Variants in DIP2C observed in about 807,000 individuals in gnomAD.
The protein encoded by DIP2C is disco-interacting protein 2 homolog C.
Under a neutral mutation model 192.4 loss-of-function variants are expected in DIP2C, and 33 were observed. The ratio of observed to expected loss-of-function variants is 0.17; its 90% CI spans 0.13 to 0.23. DIP2C has a LOEUF of 0.23. Among genes scored for constraint, DIP2C ranks in the 10% least tolerant of loss-of-function variants. The pLI, the probability that DIP2C is intolerant of heterozygous loss-of-function variation, is 1.00. For missense variants in DIP2C, 1,537 were observed against 2,110.1 expected (o/e 0.73, Z 5.32); for synonymous variants, 979 against 864.1 (o/e 1.13, Z -2.33).
chr10:396,459 A>G (rs547678301), intron 10 of DIP2C, among the ~76,000 whole-genome samples: 1 of 152,338 alleles, frequency 6.6e-6, no homozygotes, highest in African/African-American at 2.4e-5. Flanking sequence ...GAAGAAAAGA[A>G]TAATTGTTAC....
intron 1 of DIP2C, among the ~76,000 whole-genome samples, chr10:619,541 G>GCCCGCCCGCCCGCCCACCCTCCCA: frequency 2.8e-4 from 19 of 67,896 alleles, no homozygotes; most frequent in African/African-American, 5.5e-4. Flanking sequence ...CCGCCCGCCC[G>GCCCGCCCGCCCGCCCACCCTCCCA]CCCTCCCACC....
At chr10:673,083 C>T (rs931502764) in intron 1 of DIP2C, among the ~76,000 whole-genome samples, 1 of 152,158 alleles carries the variant, frequency 6.6e-6, no homozygotes, top group Non-Finnish European at 1.5e-5. Flanking sequence ...TTTCCCCGGC[C>T]TTGCTGCTCA....
intron 2 of DIP2C, among the ~76,000 whole-genome samples, chr10:476,779 C>T (rs887993703): frequency 6.6e-6 from 1 of 152,166 alleles, no homozygotes; most frequent in African/African-American, 2.4e-5. Flanking sequence ...CAGGAAGAAG[C>T]ATTTTTGGAA....
At chr10:314,453 G>A (rs763444425) in intron 31 of DIP2C, among the ~76,000 whole-genome samples, 2 of 152,106 alleles carry the variant, frequency 1.3e-5, no homozygotes, top group Non-Finnish European at 2.9e-5. Context: ...TCTCGTCACC[G>A]CTAACTCATC....
At chr10:610,099 A>G (rs748473933) in intron 1 of DIP2C, among the ~76,000 whole-genome samples, 1 of 152,220 alleles carries the variant, frequency 6.6e-6, no homozygotes, top group Non-Finnish European at 1.5e-5. Context: ...CAGGGGATGA[A>G]GGGAATGTGG....
chr10:297,117 C>T (rs985179752), intron 32 of DIP2C, among the ~76,000 whole-genome samples: 9 of 151,812 alleles, frequency 5.9e-5, no homozygotes, highest in Admixed American at 2.6e-4. Flanking sequence ...TCACTTGAAC[C>T]GGGGAGGCAG....
intron 1 of DIP2C, among the ~76,000 whole-genome samples, chr10:509,660 G>A (rs953186597): frequency 6.6e-6 from 1 of 152,240 alleles, no homozygotes; most frequent in Non-Finnish European, 1.5e-5. Flanking sequence ...CCAGACGAGA[G>A]AGAGGCATCT....
chr10:555,190 ATT>A (rs34311943), intron 1 of DIP2C, among the ~76,000 whole-genome samples: 3 of 125,214 alleles, frequency 2.4e-5, no homozygotes, highest in East Asian at 2.2e-4. Flanking sequence ...CTTCAGTATT[ATT>A]TTTTTTTTTT....
chr10:568,493 C>T (rs187243699), intron 1 of DIP2C, among the ~76,000 whole-genome samples: 5 of 152,156 alleles, frequency 3.3e-5, no homozygotes, highest in South Asian at 2.1e-4. Context: ...TGAGGCCGGG[C>T]GCGGTGGCTC....
chr10:319,537 C>G (rs764704637), intron 31 of DIP2C, among the ~76,000 whole-genome samples: 12 of 152,154 alleles, frequency 7.9e-5, no homozygotes, highest in Non-Finnish European at 1.3e-4. Flanking sequence ...ATCTCTAAAT[C>G]TAATGCAACA....
At chr10:593,642 T>C (rs57677108) in intron 1 of DIP2C, among the ~76,000 whole-genome samples, 6 of 152,184 alleles carry the variant, frequency 3.9e-5, no homozygotes, top group African/African-American at 1.4e-4. Flanking sequence ...ATATCCTAGC[T>C]GTGCCTGGGA....
chr10:557,220 C>T (rs867007700), intron 1 of DIP2C, among the ~76,000 whole-genome samples: 5 of 152,210 alleles, frequency 3.3e-5, no homozygotes, highest in African/African-American at 7.2e-5. Context: ...ACCAGGCCTC[C>T]GCCAGCAGAC....
At chr10:454,375 A>T (rs990425199) in intron 3 of DIP2C, among the ~76,000 whole-genome samples, 1 of 152,210 alleles carries the variant, frequency 6.6e-6, no homozygotes, top group African/African-American at 2.4e-5. Context: ...AAATACTAAA[A>T]ATACTAAAAA....
At chr10:374,723 A>G (rs1250824000) in intron 17 of DIP2C, among the ~76,000 whole-genome samples, 1 of 152,196 alleles carries the variant, frequency 6.6e-6, no homozygotes, top group East Asian at 1.9e-4. Context: ...AACTTAGATG[A>G]TATTTATCTC....
At position 380,398 on chromosome 10, in the gene DIP2C, C is replaced by T. The variant is rs371206322; in HGVS notation, c.1991+2249G>A. ...GGCTGTCCCTGGATGATGGTTAATG[C>T]GCAGAAGAGGCTGTCCCTGGATGAT... On this transcript the variant is annotated intron_variant, in intron 17 of 36. Transcript: ENST00000280886. Among the ~76,000 whole-genome samples, 141 of 147,590 alleles carry T rather than the reference C, an allele frequency of 9.6e-4. 6 individuals are homozygous for T. In the East Asian group the frequency reaches 0.022, roughly 23 times the overall value.
intron 1 of DIP2C, among the ~76,000 whole-genome samples, chr10:556,554 C>T (rs1371949914): frequency 6.6e-6 from 1 of 151,116 alleles, no homozygotes; most frequent in African/African-American, 2.4e-5. Context: ...CTGAACACAG[C>T]TCCTCCCTCA....
chr10:418,120 C>T (rs1213686318), intron 6 of DIP2C, among the ~76,000 whole-genome samples: 1 of 16,172 alleles, frequency 6.2e-5, no homozygotes, highest in African/African-American at 3.3e-4. Flanking sequence ...TGTCGGAGCT[C>T]GGATAGGCCT....
intron 1 of DIP2C, among the ~76,000 whole-genome samples, chr10:638,123 T>C (rs1169537622): frequency 6.6e-6 from 1 of 151,882 alleles, no homozygotes; most frequent in Non-Finnish European, 1.5e-5. Flanking sequence ...GGGCACCGAG[T>C]CTGAGAACAT....
chr10:484,887 T>C (rs754444893), intron 2 of DIP2C: 24 of 1,611,802 alleles, frequency 1.5e-5, no homozygotes, highest in Non-Finnish European at 1.0e-5. Flanking sequence ...AGCGGAATGT[T>C]CTCCTCGGCG....
Sources: gnomAD v4.1 joint callset for allele counts (sites outside exome capture counted in the v4.1 genomes callset) on GRCh38, gnomAD v4.1.1 for gene constraint, MANE v1.5 for transcripts, NCBI Gene and HGNC (gene_info 2026-07-23, HGNC 2026-07-21) for gene names.